The following PPP2R3B variants were observed in gnomAD, a reference collection of about 807,000 sequenced individuals.
PPP2R3B encodes the protein serine/threonine-protein phosphatase 2A regulatory subunit B'' subunit beta.
A neutral mutation model predicts 72.9 loss-of-function variants in PPP2R3B; 68 were observed. The observed-to-expected ratio is 0.93, with a 90% CI of 0.77 to 1.14. PPP2R3B has a LOEUF of 1.14. Among genes scored for constraint, PPP2R3B ranks in the 50% most tolerant of loss-of-function variants. The pLI, the probability that PPP2R3B is intolerant of heterozygous loss-of-function variation, is 0.00. For synonymous variants in PPP2R3B, 466 were observed against 375.8 expected (o/e 1.24, Z -2.78); for missense variants, 1,018 against 842.0 (o/e 1.21, Z -2.59).
At chrX:341,090 G>T in intron 9 of PPP2R3B, 150 bp from the exon 10 acceptor site, 1 of 1,199,086 alleles carries the variant, frequency 8.3e-7, no homozygotes, top group Non-Finnish European at 1.1e-6. Context: ...GCCCCCTGCC[G>T]CCCCCACCGG....
rs2071054239 is a variant in PPP2R3B, at chrX:341,017, C to T, written c.1176-77G>A. Reference sequence around the variant, plus strand: ...GACCTGCAGCCCCTGAGGCAGCCCCCACCGGGGGTGCACGCGTCCCCGCTG... The same window carrying T: ...GACCTGCAGCCCCTGAGGCAGCCCCTACCGGGGGTGCACGCGTCCCCGCTG... On this transcript the variant is annotated intron_variant, in intron 9 of 12. Transcript: ENST00000390665. The T allele has an allele frequency of 1.4e-5, 22 of 1,542,184 alleles. No homozygotes were observed. The South Asian group carries it at 2.5e-4, about 17-fold the overall frequency.
chrX:374,372 C>T (rs140025502), intron 1 of PPP2R3B, among the ~76,000 whole-genome samples: 1,992 of 152,340 alleles, frequency 0.013, 21 homozygotes, highest in African/African-American at 0.024. Context: ...GGCATCAAAG[C>T]GCGCCGGCAT....
chrX:370,442 C>G (rs977929325), intron 1 of PPP2R3B, among the ~76,000 whole-genome samples: 1 of 152,104 alleles, frequency 6.6e-6, no homozygotes, highest in Admixed American at 6.6e-5. Context: ...CCACAGAGCT[C>G]GGAAGGCTGG....
At chrX:352,553 G>A (rs1199121053) in intron 2 of PPP2R3B, among the ~76,000 whole-genome samples, 4 of 151,818 alleles carry the variant, frequency 2.6e-5, no homozygotes, top group African/African-American at 4.8e-5. Flanking sequence ...CTTGCTCTGT[G>A]TGGATCGTCT....
chrX:363,458 A>AT (rs2071595143), intron 1 of PPP2R3B, among the ~76,000 whole-genome samples: 1 of 141,938 alleles, frequency 7.0e-6, no homozygotes, highest in African/African-American at 2.7e-5. Context: ...CCCCGAGCCC[A>AT]CCATCCCACA....
intron 7 of PPP2R3B, 25 bp downstream of exon 7, chrX:345,491 C>T (rs780748466): frequency 3.9e-5 from 63 of 1,611,352 alleles, no homozygotes; most frequent in Non-Finnish European, 4.4e-5. Flanking sequence ...CCGCGCGGCC[C>T]GCCCGCCCCT....
At chrX:354,153 GGGGGCTCACCCAGGGACTA>G (rs1319457781) in intron 2 of PPP2R3B, among the ~76,000 whole-genome samples, 10,418 of 113,906 alleles carry the variant, frequency 0.091, 561 homozygotes, top group Admixed American at 0.16. Flanking sequence ...CCCAAACACC[GGGGGCTCACCCAGGGACTA>G]GGGGCTCACC....
intron 2 of PPP2R3B, among the ~76,000 whole-genome samples, chrX:348,591 A>G (rs2071271778): frequency 8.5e-6 from 1 of 117,918 alleles, no homozygotes; most frequent in African/African-American, 2.8e-5. Flanking sequence ...AAGAGCAAAT[A>G]CAGATTAGCC....
At chrX:347,736 AC>A in intron 2 of PPP2R3B, 43 bp from the exon 3 acceptor site, 1 of 1,421,740 alleles carries the variant, frequency 7.0e-7, no homozygotes, top group African/African-American at 1.5e-5. Context: ...CAGGGCCTGG[AC>A]GCCGGCGCTC....
intron 4 of PPP2R3B, 81 bp from the exon 5 acceptor site, chrX:346,856 G>A (rs1462202520): frequency 7.6e-7 from 1 of 1,320,194 alleles, no homozygotes; most frequent in Non-Finnish European, 1.1e-6. Flanking sequence ...TGCAGACGCG[G>A]ACCCTCCCGT....
At chrX:364,084 C>G (rs573550827) in intron 1 of PPP2R3B, among the ~76,000 whole-genome samples, 3 of 152,236 alleles carry the variant, frequency 2.0e-5, no homozygotes, top group African/African-American at 7.2e-5. Context: ...CCTTCAGAAG[C>G]GTGGGCCGAG....
chrX:378,739 T>A (rs954198119), intron 1 of PPP2R3B, among the ~76,000 whole-genome samples: 1 of 151,978 alleles, frequency 6.6e-6, no homozygotes, highest in African/African-American at 2.4e-5. Flanking sequence ...TTCTCGGAGG[T>A]TGCAAGAAGG....
chrX:353,595 C>T (rs947612720), intron 2 of PPP2R3B, among the ~76,000 whole-genome samples: 5 of 152,280 alleles, frequency 3.3e-5, no homozygotes, highest in South Asian at 2.1e-4. Flanking sequence ...AGCATCCCCC[C>T]GATGCTAAAC....
chrX:346,138 A>AAGGCAGGGGGCAGG, intron 6 of PPP2R3B, 36 bp downstream of exon 6: 1 of 1,332,926 alleles, frequency 7.5e-7, no homozygotes, highest in African/African-American at 2.0e-5. Flanking sequence ...GGGTAGGGAC[A>AAGGCAGGGGGCAGG]AGGCAGGGGG....
At chrX:342,081 C>G (rs535809126) in intron 7 of PPP2R3B, 150 bp from the exon 8 acceptor site, 232 of 851,064 alleles carry the variant, frequency 2.7e-4, no homozygotes, top group African/African-American at 1.9e-3. Flanking sequence ...TGCCCCTGCA[C>G]GGCCCATCCT....
intron 5 of PPP2R3B, 58 bp from the exon 6 acceptor site, chrX:346,318 C>CACGGAG (rs1491235950): frequency 1.3e-6 from 2 of 1,502,348 alleles, no homozygotes; most frequent in Non-Finnish European, 1.8e-6. Context: ...CCTCGCCCCG[C>CACGGAG]ACGGAGACCG....
At chrX:373,456 G>T (rs2071911869) in intron 1 of PPP2R3B, 1 of 152,146 alleles carries the variant, frequency 6.6e-6, no homozygotes, top group Admixed American at 6.6e-5. Flanking sequence ...GGCCCACGCG[G>T]GGCCGGGAGG....
intron 12 of PPP2R3B, chrX:336,364 G>A (rs1331940732): frequency 1.3e-5 from 2 of 152,332 alleles, no homozygotes; most frequent in African/African-American, 2.4e-5. Flanking sequence ...CTGCGAGAAA[G>A]CCCCCGCAGA....
Position 379,754 on chromosome X carries a change from A to G in PPP2R3B, c.324+6614T>C, listed in dbSNP as rs577851612. ...GTGGATTGGAAAATACTGTTAAGGT[A>G]TCAATTATCCTAAATTGATCCACAG... is the stretch of plus-strand genomic sequence containing the variant. On this transcript the variant is annotated intron_variant, in intron 1 of 12. Transcript: ENST00000390665. Among the ~76,000 whole-genome samples the G allele has an allele frequency of 2.4e-4, 36 of 152,392 alleles. 1 individual carries two copies. In the South Asian group the frequency reaches 7.5e-3, roughly 32 times the overall value.
Sources: allele counts gnomAD v4.1 joint callset (sites outside exome capture counted in the v4.1 genomes callset), GRCh38; gene constraint gnomAD v4.1.1; transcripts MANE v1.5; gene names NCBI Gene and HGNC (gene_info 2026-07-23, HGNC 2026-07-21).